HTT: variants seen among roughly 807,000 people sequenced by gnomAD.
HTT encodes the protein huntington disease protein.
HTT carries 104 observed loss-of-function variants against 362.3 expected under a neutral mutation model. That is an observed-to-expected ratio of 0.29 (90% CI 0.24 to 0.34). HTT has a LOEUF of 0.34. Among genes scored for constraint, HTT ranks in the 10% least tolerant of loss-of-function variants. The pLI, the probability that HTT is intolerant of heterozygous loss-of-function variation, is 1.00. For missense variants in HTT, 3,301 were observed against 3,928.6 expected (o/e 0.84, Z 4.27); for synonymous variants, 1,577 against 1,548.7 (o/e 1.02, Z -0.43).
intron 59 of HTT, among the ~76,000 whole-genome samples, chr4:3,229,512 C>T (rs1262964878): frequency 1.3e-5 from 2 of 150,578 alleles, no homozygotes; most frequent in African/African-American, 4.9e-5. Context: ...TGCACACACC[C>T]CACACACATG....
chr4:3,193,711 A>G (rs926821599), intron 40 of HTT, among the ~76,000 whole-genome samples: 2 of 152,254 alleles, frequency 1.3e-5, no homozygotes, highest in African/African-American at 4.8e-5. Flanking sequence ...TGTACCTGAA[A>G]TGTGGCTGGT....
Position 3,075,656 on chromosome 4 carries a change from G to GGC in HTT, c.263+570_263+571dup, listed in dbSNP as rs1553909178. Among the ~76,000 whole-genome samples, 15 of 139,836 alleles carry GGC rather than the reference G, an allele frequency of 1.1e-4. 1 individual carries two copies. The highest frequency in any genetic ancestry group is 3.9e-4 in the African/African-American group (15 of 38,172). The allele number at this position is 139,836 out of a possible 152,430, so 91.7% of individuals were successfully genotyped here. ...GGCGGGAGTGGCGGGGCAGGGGGGG[G>GGC]GCGGGGAGTGAGGGCGCGTCCAATG... is the stretch of plus-strand genomic sequence containing the variant. On this transcript the variant is annotated intron_variant, in intron 1 of 66. Coordinates refer to ENST00000355072, the MANE Select transcript of HTT (RefSeq NM_001388492.1).
chr4:3,135,801 G>C (rs1716037945), intron 19 of HTT, 103 bp from the exon 20 acceptor site: 1 of 750,488 alleles, frequency 1.3e-6, no homozygotes. Context: ...TGCTGCCCAA[G>C]GTCCTTCCAG....
At chr4:3,226,789 G>A (rs1269903902) in intron 57 of HTT, among the ~76,000 whole-genome samples, 1 of 152,256 alleles carries the variant, frequency 6.6e-6, no homozygotes, top group East Asian at 1.9e-4. Context: ...GATGTCACAA[G>A]CCTGTTTCTG....
At chr4:3,174,915 G>T in intron 32 of HTT, 31 bp from the exon 33 acceptor site, 3 of 1,550,464 alleles carry the variant, frequency 1.9e-6, no homozygotes, top group Non-Finnish European at 2.6e-6. Context: ...CTTACTTATG[G>T]ATTCTTTCTT....
chr4:3,218,045 C>T lies in HTT; in HGVS notation c.7242+93C>T, dbSNP rs556934147. 2 of 1,127,450 alleles carry T rather than the reference C, an allele frequency of 1.8e-6. No homozygotes were observed. The highest frequency in any genetic ancestry group is 5.1e-5 in the Admixed American group (2 of 38,960). 69.8% of individuals were successfully genotyped at this position (1,127,450 alleles called of 1,614,324 possible). On this transcript the variant is annotated intron_variant, in intron 52 of 66. Transcript: ENST00000355072. The surrounding 1 kb of genome is among the most constrained non-coding windows in gnomAD (Gnocchi z 4.4). ...ACACGTGAGAGGGCGGGACAGAATC[C>T]CCGCAGCCCAGAGGCTGCCTGCTGT... is the stretch of plus-strand genomic sequence containing the variant.
intron 9 of HTT, among the ~76,000 whole-genome samples, chr4:3,122,363 G>T (rs1055901866): frequency 2.0e-5 from 3 of 152,218 alleles, no homozygotes; most frequent in Non-Finnish European, 4.4e-5. Flanking sequence ...TCGGTGTAGT[G>T]CACAGTGTGT....
intron 29 of HTT, among the ~76,000 whole-genome samples, chr4:3,168,571 A>T (rs1717820383): frequency 6.6e-6 from 1 of 152,126 alleles, no homozygotes; most frequent in African/African-American, 2.4e-5. Context: ...ACTCATTTTT[A>T]TACATAATTG....
At chr4:3,131,478 C>T (rs879271422) in intron 15 of HTT, 81 bp downstream of exon 15, 32 of 1,455,284 alleles carry the variant, frequency 2.2e-5, no homozygotes, top group South Asian at 2.2e-4. Context: ...TTTTGCCTTG[C>T]GTGCAGCAGA....
intron 49 of HTT, 63 bp from the exon 50 acceptor site, chr4:3,213,895 C>T: frequency 7.1e-7 from 1 of 1,410,170 alleles, no homozygotes. Flanking sequence ...AACTGTGATT[C>T]ACACGGCTTC....
intron 39 of HTT, 62 bp downstream of exon 39, chr4:3,187,948 A>T (rs769118107): frequency 1.1e-6 from 1 of 950,048 alleles, no homozygotes; most frequent in Non-Finnish European, 1.6e-6. Context: ...GTGATGTTTC[A>T]CAGTCAGTAA....
At chr4:3,180,272 T>C (rs899801958) in intron 35 of HTT, among the ~76,000 whole-genome samples, 2 of 152,242 alleles carry the variant, frequency 1.3e-5, no homozygotes, top group Admixed American at 1.3e-4. Flanking sequence ...GGTGTTAAAT[T>C]ATAGGAGCCC....
intron 6 of HTT, among the ~76,000 whole-genome samples, chr4:3,109,890 G>T (rs1024995470): frequency 2.0e-5 from 3 of 152,134 alleles, no homozygotes; most frequent in African/African-American, 7.2e-5. Context: ...GGACGGGGGG[G>T]CCACCTGCAA....
intron 4 of HTT, among the ~76,000 whole-genome samples, 194 bp from the exon 5 acceptor site, chr4:3,105,163 A>G (rs1420897820): frequency 6.6e-6 from 1 of 152,222 alleles, no homozygotes; most frequent in Non-Finnish European, 1.5e-5. Flanking sequence ...TGAGAATTAA[A>G]AATGGTAACT....
chr4:3,238,983 CCT>C lies in HTT; in HGVS notation c.9215+10_9215+11del, dbSNP rs1401426765. 1 of 1,601,406 alleles carries C rather than the reference CCT, an allele frequency of 6.2e-7. No individual in the cohort carries two copies. Among genetic ancestry groups the C allele is most frequent in the South Asian group, 1.1e-5 (1 of 89,276 alleles). ...CAGCCCGTGGGTCGCGGCGATGTAT[CCT>C]CTCTGGGTCCCTGGTGCTGGCCCCG... On this transcript the variant is annotated splice_donor_region_variant and intron_variant, in intron 66 of 66. Coordinates refer to ENST00000355072, the MANE Select transcript of HTT (RefSeq NM_001388492.1).
At chr4:3,216,526 A>G (rs774626686) in intron 51 of HTT, among the ~76,000 whole-genome samples, 12 of 152,222 alleles carry the variant, frequency 7.9e-5, no homozygotes, top group Non-Finnish European at 1.2e-4. Flanking sequence ...AACAAATGCT[A>G]TCATGATTTT....
At chr4:3,164,713 G>C (rs1717615282) in intron 29 of HTT, among the ~76,000 whole-genome samples, 2 of 152,070 alleles carry the variant, frequency 1.3e-5, no homozygotes, top group Non-Finnish European at 1.5e-5. Context: ...TTGATTTAAA[G>C]TCTGTTTTAT....
intron 40 of HTT, among the ~76,000 whole-genome samples, chr4:3,190,139 C>T (rs1718948335): frequency 6.6e-6 from 1 of 152,070 alleles, no homozygotes; most frequent in South Asian, 2.1e-4. Context: ...AAGCCAGGAG[C>T]TTGGGACCAG....
At chr4:3,159,237 T>G (rs993781312) in intron 28 of HTT, among the ~76,000 whole-genome samples, 2 of 152,210 alleles carry the variant, frequency 1.3e-5, no homozygotes, top group African/African-American at 4.8e-5. Context: ...CTTTTGCAGC[T>G]CTTCTGAAGA....
Sources: allele counts gnomAD v4.1 joint callset (sites outside exome capture counted in the v4.1 genomes callset), GRCh38; gene constraint gnomAD v4.1.1; non-coding constraint Gnocchi (gnomAD v3.1); transcripts MANE v1.5; gene names NCBI Gene and HGNC (gene_info 2026-07-23, HGNC 2026-07-21).